ADAT1: variants seen among roughly 807,000 people sequenced by gnomAD.
ADAT1 encodes tRNA-specific adenosine deaminase 1.
ADAT1 carries 58 observed loss-of-function variants against 58.6 expected under a neutral mutation model. The observed-to-expected ratio is 0.99, with a 90% CI of 0.80 to 1.23. ADAT1 has a LOEUF of 1.23. Ranked by LOEUF, ADAT1 falls within the 50% of genes most tolerant of loss-of-function variation. The pLI is 0.00. For synonymous variants in ADAT1, 254 were observed against 220.8 expected, an observed-to-expected ratio of 1.15 and a Z score of -1.33; for missense variants, 741 against 608.6, an observed-to-expected ratio of 1.22 and a Z score of -2.29.
chr16:75,622,245 T>C, intron 1 of ADAT1, among the ~76,000 whole-genome samples, 158 bp downstream of exon 1: 1 of 152,180 alleles, frequency 6.6e-6, no homozygotes, highest in Non-Finnish European at 1.5e-5. Context: ...GCAGGCTCGC[T>C]ACTGTAGTGA....
At chr16:75,619,612 T>C (rs1567485962) in intron 3 of ADAT1, 3 of 455,072 alleles carry the variant, frequency 6.6e-6, no homozygotes, top group East Asian at 1.4e-4. Context: ...CAAAGCTTCC[T>C]GTCATTCAAG....
chr16:75,605,928 ACT>A (rs1166998070), intron 8 of ADAT1, among the ~76,000 whole-genome samples: 1 of 124,602 alleles, frequency 8.0e-6, no homozygotes, highest in Admixed American at 8.5e-5. Flanking sequence ...TAAGGGTGAA[ACT>A]CTGTCTCAAA....
At position 75,620,331 on chromosome 16, in the gene ADAT1, G is replaced by C; in HGVS notation, c.173C>G (p.Thr58Arg). 1.2e-6 allele frequency: 2 copies of C among 1,614,038 alleles called. No homozygotes were observed. The highest frequency in any genetic ancestry group is 1.7e-6 in the Non-Finnish European group (2 of 1,179,946). ...TGTTCCCATTGACACAACTTCCTTTGTCACTGTGGGAAAAAAACAAATCGT... is the reference window on the plus strand; with the variant it reads ...TGTTCCCATTGACACAACTTCCTTTCTCACTGTGGGAAAAAAACAAATCGT... ...CDTPDKPVQV[T>R]KEVVSMGTGT... is the part of the protein sequence containing the mutation. The change falls in exon 3 of 10, where the codon ACA becomes AGA. Residue 58 changes from threonine (T) to arginine (R), a missense_variant. By Grantham distance (71) the Thr-to-Arg change is moderately conservative. Coordinates refer to ENST00000564657, the MANE Select transcript of ADAT1 (RefSeq NM_001324445.2).
chr16:75,611,599 C>A (rs546936526), intron 6 of ADAT1, among the ~76,000 whole-genome samples: 22 of 151,922 alleles, frequency 1.4e-4, no homozygotes, highest in Admixed American at 6.6e-4. Flanking sequence ...CTAGGCTGGT[C>A]TAGAACTTCT....
At chr16:75,613,532 G>C (rs1312560808) in intron 5 of ADAT1, among the ~76,000 whole-genome samples, 1 of 152,076 alleles carries the variant, frequency 6.6e-6, no homozygotes, top group East Asian at 1.9e-4. Context: ...GACCTCAAGT[G>C]ACTCCTGACC....
At position 75,623,094 on chromosome 16, in the gene ADAT1, C is replaced by A. The variant is rs1216860617; in HGVS notation, c.-713G>T. ...CTTCAGGCGCCGGCTGCTGACAGTTCCAGGCGTGGAGCGCCTTCCCACGTG... is the reference window on the plus strand; with the variant it reads ...CTTCAGGCGCCGGCTGCTGACAGTTACAGGCGTGGAGCGCCTTCCCACGTG... On this transcript the variant is annotated 5_prime_UTR_variant, in exon 1 of 10. Transcript: ENST00000564657. The A allele has an allele frequency of 6.6e-6, 1 of 152,322 alleles. No homozygotes were observed. The highest frequency in any genetic ancestry group is 1.5e-5 in the Non-Finnish European group (1 of 68,112). 9.4% of individuals were successfully genotyped at this position (152,322 alleles called of 1,614,324 possible).
chr16:75,620,648 G>A lies in ADAT1; in HGVS notation c.152C>T (p.Pro51Leu), dbSNP rs576238811. Residue 51 changes from proline (P) to leucine (L), a missense_variant, in exon 2 of 10, where the codon CCT (proline) becomes CTT (leucine). Physicochemically the swap from Pro to Leu is moderately conservative, Grantham distance 98. Transcript: ENST00000564657. The stretch of plus-strand genomic sequence containing the variant: ...AGTCTCACCTTGCACCGGCTTATCA[G>A]GGGTGTCGCAGGCCTTGTCAGCTGG... ...QSPADKACDT[P>L]DKPVQVTKEV... 1.2e-6 allele frequency: 2 copies of A among 1,613,350 alleles called. No individual in the cohort carries two copies. Among genetic ancestry groups the A allele is most frequent in the East Asian group, 2.2e-5 (1 of 44,886 alleles).
Position 75,607,513 on chromosome 16 carries a change from A to G in ADAT1, c.1289+711T>C, listed in dbSNP as rs552599046. ...CAAGACTCTATCTCAAAAAAAAAAA[A>G]AAAAGACTGTAATGAGATACCATTT... is the stretch of plus-strand genomic sequence containing the variant. On this transcript the variant is annotated intron_variant, in intron 8 of 9. Transcript: ENST00000564657. Among the ~76,000 whole-genome samples, 3 of 152,134 alleles carry G rather than the reference A, an allele frequency of 2.0e-5. No homozygotes were observed. In the East Asian group the frequency reaches 5.8e-4, roughly 29 times the overall value.
In ADAT1 at chr16:75,615,480, TAAAAAAAAAAAAAAAAA is replaced by T. The variant is rs56149357; in HGVS notation, c.424+1645_424+1661del. On this transcript the variant is annotated intron_variant, in intron 5 of 9. Transcript: ENST00000564657. Reference sequence around the variant, plus strand: ...CGAACGCAAACGATAGTTGATGAGCTAAAAAAAAAAAAAAAAAAAAAAAAAAAAAAAAAAAATCGCAA... The same window carrying T: ...CGAACGCAAACGATAGTTGATGAGCTAAAAAAAAAAAAAAAAAAATCGCAA... Among the ~76,000 whole-genome samples the T allele has an allele frequency of 7.0e-3, 230 of 32,942 alleles. 6 individuals carry two copies. The highest frequency in any genetic ancestry group is 0.019 in the East Asian group (83 of 4,478). 21.6% of individuals were successfully genotyped at this position (32,942 alleles called of 152,430 possible).
In ADAT1 at chr16:75,599,928, C is replaced by G; in HGVS notation, c.*288G>C. 1 of 1,142,484 alleles carries G rather than the reference C, an allele frequency of 8.8e-7. No individual in the cohort carries two copies. Among genetic ancestry groups the G allele is most frequent in the African/African-American group, 1.6e-5 (1 of 62,814 alleles). The allele number at this position is 1,142,484 out of a possible 1,614,324, so 70.8% of individuals were successfully genotyped here. A position where few individuals can be genotyped will look rare whatever the true frequency, so the allele number is the denominator to read the frequency against. ...CATAAAACAGAGCTGCTGCAGAGTACTTTCAAAGCATCATGTTCCAAACTC... is the reference window on the plus strand; with the variant it reads ...CATAAAACAGAGCTGCTGCAGAGTAGTTTCAAAGCATCATGTTCCAAACTC... On this transcript the variant is annotated 3_prime_UTR_variant, in exon 10 of 10. Coordinates refer to ENST00000564657, the MANE Select transcript of ADAT1 (RefSeq NM_001324445.2).
chr16:75,620,852 G>A, intron 1 of ADAT1, 32 bp from the exon 2 acceptor site: 5 of 1,572,512 alleles, frequency 3.2e-6, no homozygotes, highest in South Asian at 2.3e-5. Context: ...TCAGAAGTAC[G>A]GAAAGGAGAA....
At position 75,611,298 on chromosome 16, in the gene ADAT1, T is replaced by C. The variant is rs577515348; in HGVS notation, c.1043+945A>G. Reference sequence around the variant, plus strand: ...GCGCTCATCCTCTTATAATTTTTCTTATGTGTGGATGTACTTTAAGACCAA... The same window carrying C: ...GCGCTCATCCTCTTATAATTTTTCTCATGTGTGGATGTACTTTAAGACCAA... On this transcript the variant is annotated intron_variant, in intron 6 of 9. Transcript: ENST00000564657. Among the ~76,000 whole-genome samples, 47 of 152,330 alleles carry C rather than the reference T, an allele frequency of 3.1e-4. No homozygotes were observed. In the South Asian group the frequency reaches 8.9e-3, roughly 29 times the overall value.
At chr16:75,617,611 G>A (rs2081775576) in intron 4 of ADAT1, among the ~76,000 whole-genome samples, 1 of 151,496 alleles carries the variant, frequency 6.6e-6, no homozygotes, top group Non-Finnish European at 1.5e-5. Context: ...TTCAGCTTGG[G>A]TGACAGAGTG....
chr16:75,617,306 C>T (rs1032951904), intron 4 of ADAT1, 34 bp from the exon 5 acceptor site: 11 of 1,599,444 alleles, frequency 6.9e-6, no homozygotes, highest in Non-Finnish European at 9.4e-6. Context: ...GGATGAACAA[C>T]CGATCTCTGT....
intron 8 of ADAT1, among the ~76,000 whole-genome samples, chr16:75,605,848 A>C (rs2081353575): frequency 6.6e-6 from 1 of 151,078 alleles, no homozygotes; most frequent in African/African-American, 2.4e-5. Context: ...GAGGCAGGAG[A>C]ACTGCTTGAA....
chr16:75,620,359 G>A (rs1294582536), intron 2 of ADAT1, 25 bp from the exon 3 acceptor site: 10 of 1,612,618 alleles, frequency 6.2e-6, no homozygotes, highest in Non-Finnish European at 6.8e-6. Flanking sequence ...CAAATCGTGT[G>A]AGTTCTGAGA....
chr16:75,603,706 G>C (rs2081285854), intron 8 of ADAT1, among the ~76,000 whole-genome samples: 1 of 93,980 alleles, frequency 1.1e-5, no homozygotes, highest in Non-Finnish European at 1.8e-5. Context: ...TACTTAAGGA[G>C]GTGAGTGTTG....
At chr16:75,614,060 C>A (rs1049439474) in intron 5 of ADAT1, among the ~76,000 whole-genome samples, 2 of 151,946 alleles carry the variant, frequency 1.3e-5, no homozygotes, top group African/African-American at 4.8e-5. Context: ...TGTGGTGGCG[C>A]GCACCTGTAG....
rs1226438499 is a variant in ADAT1 at position 75,599,013 on chromosome 16, G to C, written c.*1203C>G. The stretch of plus-strand genomic sequence containing the variant: ...GTCTGAAGTTGAGTGTTAAACATTC[G>C]ATGTTAAAACAGGATTGGCTGCTGG... On this transcript the variant is annotated 3_prime_UTR_variant, in exon 10 of 10. Coordinates refer to ENST00000564657, the MANE Select transcript of ADAT1 (RefSeq NM_001324445.2). 1.5e-5 allele frequency: 15 copies of C among 984,286 alleles called. No individual in the cohort carries two copies. The highest frequency in any genetic ancestry group is 1.8e-5 in the Non-Finnish European group (15 of 829,806). The allele number at this position is 984,286 out of a possible 1,614,324, so 61.0% of individuals were successfully genotyped here.
Sources: allele counts gnomAD v4.1 joint callset (sites outside exome capture counted in the v4.1 genomes callset), GRCh38; gene constraint gnomAD v4.1.1; transcripts MANE v1.5; gene names NCBI Gene and HGNC (gene_info 2026-07-23, HGNC 2026-07-21).